The following DMD variants were observed in gnomAD, a reference collection of about 807,000 sequenced individuals.
DMD encodes mutant dystrophin.
Under a neutral mutation model 330.1 loss-of-function variants are expected in DMD, and 63 were observed. That is an observed-to-expected ratio of 0.19 (90% CI 0.16 to 0.24). DMD has a LOEUF of 0.24. DMD is among the 10% of genes least tolerant of loss of function. The pLI is 1.00. For synonymous variants in DMD, 1,223 were observed against 959.8 expected, an observed-to-expected ratio of 1.27 and a Z score of -5.07; for missense variants, 3,344 against 2,684.1, an observed-to-expected ratio of 1.25 and a Z score of -5.43.
At chrX:31,916,252 G>A (rs1569511467) in intron 47 of DMD, among the ~76,000 whole-genome samples, 1 of 112,118 alleles carries the variant, frequency 8.9e-6, no homozygotes, top group Non-Finnish European at 1.9e-5. Context: ...GGACCCCACA[G>A]ACTGTGTGCA....
At chrX:32,706,820 G>C (rs2064709425) in intron 7 of DMD, among the ~76,000 whole-genome samples, 1 of 111,786 alleles carries the variant, frequency 8.9e-6, no homozygotes, top group Non-Finnish European at 1.9e-5. Flanking sequence ...GCTGGGCATG[G>C]TGGCTCATGC....
At chrX:33,009,974 G>A (rs776943811) in intron 2 of DMD, among the ~76,000 whole-genome samples, 1,248 of 51,843 alleles carry the variant, frequency 0.024, 264 homozygotes, top group African/African-American at 0.12. Context: ...ACATATGTGT[G>A]TATACACATG....
chrX:31,689,924 G>A lies in DMD; in HGVS notation c.7661-10338C>T, dbSNP rs1266537992. Among the ~76,000 whole-genome samples the A allele has an allele frequency of 1.9e-4, 21 of 111,481 alleles. 1 individual carries two copies. The highest frequency in any genetic ancestry group is 4.8e-4 in the Admixed American group (5 of 10,515). ...GGAAAACTGGCTAGCCATATGTAGAGAGCTGAAACTGGATCCCTTCCTTAT... is the reference window on the plus strand; with the variant it reads ...GGAAAACTGGCTAGCCATATGTAGAAAGCTGAAACTGGATCCCTTCCTTAT... On this transcript the variant is annotated intron_variant, in intron 52 of 78. Transcript: ENST00000357033.
At chrX:32,491,886 C>T (rs1325927609) in intron 19 of DMD, among the ~76,000 whole-genome samples, 1 of 111,945 alleles carries the variant, frequency 8.9e-6, no homozygotes, top group African/African-American at 3.2e-5. Flanking sequence ...ATACATTTTA[C>T]ATATCATACA....
Position 31,552,856 on chromosome X carries a change from T to C in DMD, c.8218-45403A>G, listed in dbSNP as rs765491042. 8.9e-5 allele frequency among the ~76,000 whole-genome samples: 10 copies of C among 111,791 alleles called. No homozygotes were observed. The South Asian group carries it at 3.8e-3, about 42-fold the overall frequency. ...TAATACCACCTTCCTCAAGGGACTT[T>C]TGTGATGTATATATAGTGCTGGGTA... On this transcript the variant is annotated intron_variant, in intron 55 of 78. Coordinates refer to ENST00000357033, the MANE Select transcript of DMD (RefSeq NM_004006.3).
chrX:32,267,201 T>G (rs1362219554), intron 43 of DMD, among the ~76,000 whole-genome samples: 1 of 112,437 alleles, frequency 8.9e-6, no homozygotes, highest in East Asian at 2.8e-4. Flanking sequence ...CATTTTTCTG[T>G]GTTCTTCAAC....
intron 12 of DMD, among the ~76,000 whole-genome samples, chrX:32,603,986 C>T (rs1042193833): frequency 3.6e-5 from 4 of 111,059 alleles, no homozygotes; most frequent in South Asian, 3.7e-4. Flanking sequence ...GAAATTCTCC[C>T]TAATTAATTC....
At chrX:31,674,756 T>C (rs1187267589) in intron 53 of DMD, among the ~76,000 whole-genome samples, 2 of 112,607 alleles carry the variant, frequency 1.8e-5, no homozygotes, top group Non-Finnish European at 3.7e-5. Context: ...AAATAATTTT[T>C]CCAAAGAATC....
intron 1 of DMD, among the ~76,000 whole-genome samples, chrX:33,182,071 T>C (rs1171029139): frequency 8.9e-6 from 1 of 111,839 alleles, no homozygotes; most frequent in Non-Finnish European, 1.9e-5. Flanking sequence ...CTGTGGAAAA[T>C]ATTGTCAGCA....
chrX:32,197,543 G>T (rs1260502155), intron 44 of DMD, among the ~76,000 whole-genome samples: 1 of 110,850 alleles, frequency 9.0e-6, no homozygotes, highest in Non-Finnish European at 1.9e-5. Flanking sequence ...AACTTCAGGG[G>T]GTCAATAGCA....
chrX:32,417,893 C>T (rs142624333), intron 29 of DMD, among the ~76,000 whole-genome samples: 1 of 108,232 alleles, frequency 9.2e-6, no homozygotes, highest in African/African-American at 3.4e-5. Flanking sequence ...GAGACATTTG[C>T]CTATTTTCCT....
chrX:31,171,434 C>T (rs1429958622), intron 73 of DMD, among the ~76,000 whole-genome samples: 1 of 112,086 alleles, frequency 8.9e-6, no homozygotes, highest in African/African-American at 3.2e-5. Context: ...GATAAATTTA[C>T]CATTCTTCCC....
At chrX:31,750,463 G>A (rs965789236) in intron 51 of DMD, among the ~76,000 whole-genome samples, 4 of 110,433 alleles carry the variant, frequency 3.6e-5, no homozygotes, top group Non-Finnish European at 5.7e-5. Flanking sequence ...GTAGATATGC[G>A]GCGTTACTTC....
At chrX:31,307,938 C>T (rs1187439302) in intron 62 of DMD, among the ~76,000 whole-genome samples, 7 of 111,137 alleles carry the variant, frequency 6.3e-5, no homozygotes, top group Non-Finnish European at 1.3e-4. Flanking sequence ...GAGGCAGGGG[C>T]GGGGGTATGG....
At chrX:33,266,854 T>C (rs2053050064) in intron 1 of DMD, among the ~76,000 whole-genome samples, 1 of 110,413 alleles carries the variant, frequency 9.1e-6, no homozygotes, top group African/African-American at 3.3e-5. Flanking sequence ...CTCAAAATAA[T>C]AAGAACCATC....
intron 57 of DMD, among the ~76,000 whole-genome samples, chrX:31,488,750 C>G (rs1437988918): frequency 4.5e-5 from 5 of 111,959 alleles, no homozygotes; most frequent in African/African-American, 1.6e-4. Flanking sequence ...ACTCCACCAC[C>G]CTCCTTTTCT....
intron 20 of DMD, among the ~76,000 whole-genome samples, chrX:32,486,033 G>A (rs760639725): frequency 1.2e-4 from 13 of 109,936 alleles, no homozygotes; most frequent in South Asian, 3.9e-4. Context: ...GAGCCACCGC[G>A]CCCAGCCAAT....
chrX:31,422,039 ATATATTTT>A (rs1569540549), intron 60 of DMD, among the ~76,000 whole-genome samples: 5 of 7,712 alleles, frequency 6.5e-4, no homozygotes, highest in African/African-American at 8.8e-4. Flanking sequence ...ATATATATAT[ATATATTTT>A]TTTTTTTCTT....
intron 47 of DMD, among the ~76,000 whole-genome samples, chrX:31,902,149 T>C (rs191355437): frequency 8.9e-6 from 1 of 112,149 alleles, no homozygotes; most frequent in East Asian, 2.8e-4. Context: ...CTAATACTTC[T>C]GTCAATCAAC....
Sources: allele counts gnomAD v4.1 joint callset (sites outside exome capture counted in the v4.1 genomes callset), GRCh38; gene constraint gnomAD v4.1.1; transcripts MANE v1.5; gene names NCBI Gene and HGNC (gene_info 2026-07-23, HGNC 2026-07-21).